ADAM9: variants seen among roughly 807,000 people sequenced by gnomAD.
ADAM9 encodes the protein ADAM metallopeptidase domain 9.
Under a neutral mutation model 108.1 loss-of-function variants are expected in ADAM9, and 54 were observed. That is an observed-to-expected ratio of 0.50 (90% CI 0.40 to 0.63). The LOEUF is 0.63. ADAM9 is among the 20% of genes least tolerant of loss of function. The pLI, the probability that ADAM9 is intolerant of heterozygous loss-of-function variation, is 0.00. For missense variants in ADAM9, 830 were observed against 997.7 expected, an observed-to-expected ratio of 0.83 and a Z score of 2.26; for synonymous variants, 316 against 336.0, an observed-to-expected ratio of 0.94 and a Z score of 0.65.
intron 14 of ADAM9, among the ~76,000 whole-genome samples, chr8:39,069,861 C>T (rs1258373469): frequency 1.3e-5 from 2 of 151,324 alleles, no homozygotes; most frequent in Non-Finnish European, 2.9e-5. Context: ...TCATGAATAT[C>T]TTTCACTTAT....
intron 12 of ADAM9, among the ~76,000 whole-genome samples, chr8:39,053,670 C>T (rs1838025493): frequency 6.6e-6 from 1 of 152,004 alleles, no homozygotes; most frequent in South Asian, 2.1e-4. Context: ...GCTATTTTAA[C>T]AGAGAAGATG....
chr8:39,010,403 G>A (rs1836317485), intron 2 of ADAM9, among the ~76,000 whole-genome samples: 1 of 152,160 alleles, frequency 6.6e-6, no homozygotes, highest in South Asian at 2.1e-4. Context: ...ATGTGGAGGT[G>A]GATGACAGGA....
chr8:39,052,289 A>G (rs1239887245), intron 12 of ADAM9, among the ~76,000 whole-genome samples: 1 of 152,058 alleles, frequency 6.6e-6, no homozygotes. Flanking sequence ...TATTTTATGT[A>G]TTCCTTATCA....
At chr8:39,008,283 G>C (rs532442141) in intron 2 of ADAM9, among the ~76,000 whole-genome samples, 1 of 151,882 alleles carries the variant, frequency 6.6e-6, no homozygotes, top group East Asian at 1.9e-4. Context: ...TGATTCTCCT[G>C]CCTCAGCCTT....
At chr8:39,008,623 T>C (rs1303777083) in intron 2 of ADAM9, among the ~76,000 whole-genome samples, 2 of 152,208 alleles carry the variant, frequency 1.3e-5, no homozygotes, top group East Asian at 3.8e-4. Context: ...ATAATAAGAA[T>C]TATAATTCTT....
intron 3 of ADAM9, among the ~76,000 whole-genome samples, chr8:39,012,689 T>C (rs912787281): frequency 7.2e-5 from 11 of 152,030 alleles, no homozygotes; most frequent in South Asian, 2.1e-4. Flanking sequence ...AGCAAACTAT[T>C]GCAAGGACAA....
chr8:39,037,268 C>T (rs767316298), intron 11 of ADAM9, among the ~76,000 whole-genome samples: 28 of 148,532 alleles, frequency 1.9e-4, no homozygotes, highest in Non-Finnish European at 3.3e-4. Context: ...TCACCGTGGT[C>T]TCGATCTCCT....
intron 15 of ADAM9, among the ~76,000 whole-genome samples, chr8:39,076,450 G>A (rs973573266): frequency 2.0e-5 from 3 of 152,184 alleles, no homozygotes; most frequent in Non-Finnish European, 4.4e-5. Flanking sequence ...GCTAGAATGG[G>A]CAGTTTCAGG....
chr8:38,999,888 A>G (rs1800021571), intron 1 of ADAM9, among the ~76,000 whole-genome samples: 3 of 152,264 alleles, frequency 2.0e-5, no homozygotes, highest in Admixed American at 6.5e-5. Context: ...AACATATGAC[A>G]TAGCCTCATA....
intron 20 of ADAM9, among the ~76,000 whole-genome samples, chr8:39,094,203 T>C (rs1839434162): frequency 6.6e-6 from 1 of 152,234 alleles, no homozygotes; most frequent in African/African-American, 2.4e-5. Context: ...TCATTTCTGT[T>C]TTTTGTTTGT....
At chr8:39,016,030 C>T (rs1836514499) in intron 4 of ADAM9, 88 bp from the exon 5 acceptor site, 24 of 1,242,526 alleles carry the variant, frequency 1.9e-5, no homozygotes, top group Non-Finnish European at 2.7e-5. Flanking sequence ...CTTGACTGGC[C>T]TAAAGTAATT....
chr8:39,103,827 C>T lies in ADAM9; in HGVS notation c.*127C>T, dbSNP rs1380579772. On this transcript the variant is annotated 3_prime_UTR_variant, in exon 22 of 22. Transcript: ENST00000487273. ...TGAAAACAAAACACCACAAAACAGA[C>T]TTCACTAACACAGAAAAACAGAAAC... is the stretch of plus-strand genomic sequence containing the variant. The T allele has an allele frequency of 4.6e-6, 4 of 878,114 alleles. No individual in the cohort carries two copies. Among genetic ancestry groups the T allele is most frequent in the Non-Finnish European group, 7.4e-6 (4 of 537,814 alleles). The allele number at this position is 878,114 out of a possible 1,614,324, so 54.4% of individuals were successfully genotyped here.
chr8:39,054,682 T>G, intron 13 of ADAM9, 109 bp downstream of exon 13: 1 of 950,696 alleles, frequency 1.1e-6, no homozygotes, highest in Non-Finnish European at 1.6e-6. Context: ...CTATTTTTAT[T>G]TTATGGTCAT....
intron 7 of ADAM9, among the ~76,000 whole-genome samples, chr8:39,021,307 G>C (rs1270014460): frequency 6.6e-6 from 1 of 151,752 alleles, no homozygotes; most frequent in Non-Finnish European, 1.5e-5. Flanking sequence ...TTTTGAGATG[G>C]AGTTTTGCTC....
In ADAM9 at chr8:39,033,866, C is replaced by T. The variant is rs548021392; in HGVS notation, c.1130+7056C>T. Among the ~76,000 whole-genome samples, 12 of 152,122 alleles carry T rather than the reference C, an allele frequency of 7.9e-5. No individual in the cohort carries two copies. In the South Asian group the frequency reaches 8.3e-4, roughly 11 times the overall value. ...TTATGGTTTTTTTCTTAAAAGTTTT[C>T]GGTCTTAAATATTTAAGTTGATGGA... On this transcript the variant is annotated intron_variant, in intron 11 of 21. Transcript: ENST00000487273.
intron 12 of ADAM9, among the ~76,000 whole-genome samples, chr8:39,045,556 A>G (rs1006895220): frequency 9.7e-4 from 62 of 63,958 alleles, no homozygotes; most frequent in Admixed American, 5.4e-3. Context: ...GTGTGTGTGT[A>G]TATGTGTGTG....
At chr8:39,041,555 AAGATTGG>A (rs1837455806) in intron 11 of ADAM9, among the ~76,000 whole-genome samples, 1 of 152,214 alleles carries the variant, frequency 6.6e-6, no homozygotes, top group Non-Finnish European at 1.5e-5. Flanking sequence ...GAGTAGAAAA[AAGATTGG>A]AGACAACGTA....
intron 1 of ADAM9, among the ~76,000 whole-genome samples, chr8:39,001,195 G>A (rs1218083131): frequency 6.6e-6 from 1 of 152,194 alleles, no homozygotes; most frequent in East Asian, 1.9e-4. Flanking sequence ...TCTGTGGATA[G>A]CAATACAATG....
At chr8:39,021,575 C>T in intron 7 of ADAM9, 68 bp from the exon 8 acceptor site, 1 of 1,399,054 alleles carries the variant, frequency 7.1e-7, no homozygotes, top group Non-Finnish European at 1.0e-6. Context: ...TGAGGTACTG[C>T]ACCCGGCCTT....
Sources: allele counts gnomAD v4.1 joint callset (sites outside exome capture counted in the v4.1 genomes callset), GRCh38; gene constraint gnomAD v4.1.1; transcripts MANE v1.5; gene names NCBI Gene and HGNC (gene_info 2026-07-23, HGNC 2026-07-21).